Variants in IFTAP observed in about 807,000 individuals in gnomAD.
IFTAP encodes the protein intraflagellar transport-associated protein.
IFTAP carries 19 observed loss-of-function variants against 19.4 expected under a neutral mutation model. That is an observed-to-expected ratio of 0.98 (90% CI 0.68 to 1.44). The LOEUF (loss-of-function observed/expected upper bound fraction) is 1.44. Among genes scored for constraint, IFTAP ranks in the 40% most tolerant of loss-of-function variants. The pLI, the probability that IFTAP is intolerant of heterozygous loss-of-function variation, is 0.00. For synonymous variants in IFTAP, 85 were observed against 83.5 expected, an observed-to-expected ratio of 1.02 and a Z score of -0.10; for missense variants, 240 against 253.6, an observed-to-expected ratio of 0.95 and a Z score of 0.36.
At chr11:36,630,035 G>A (rs573150125) in intron 2 of IFTAP, among the ~76,000 whole-genome samples, 1 of 151,240 alleles carries the variant, frequency 6.6e-6, no homozygotes, top group African/African-American at 2.5e-5. Flanking sequence ...GGGTGGAAGA[G>A]GACCCTGATG....
At chr11:36,646,868 G>T (rs952983691) in intron 4 of IFTAP, among the ~76,000 whole-genome samples, 7 of 152,110 alleles carry the variant, frequency 4.6e-5, no homozygotes, top group Non-Finnish European at 1.0e-4. Flanking sequence ...GCTAATTAAT[G>T]AAATCATAGT....
chr11:36,610,724 G>A lies in IFTAP; in HGVS notation c.136+485G>A, dbSNP rs375809820. Among the ~76,000 whole-genome samples the A allele has an allele frequency of 2.6e-4, 40 of 152,226 alleles. No homozygotes were observed. The South Asian group carries it at 3.3e-3, about 13-fold the overall frequency. On this transcript the variant is annotated intron_variant, in intron 2 of 5. Coordinates refer to ENST00000334307, the MANE Select transcript of IFTAP (RefSeq NM_138787.4). ...GTACTTCTCTCAAAGGTTGAGAAAC[G>A]TTAATTGAGATAATCCATGTGAAAC... is the stretch of plus-strand genomic sequence containing the variant.
chr11:36,643,526 G>T (rs913405845), intron 4 of IFTAP, among the ~76,000 whole-genome samples: 4 of 152,160 alleles, frequency 2.6e-5, no homozygotes, highest in African/African-American at 4.8e-5. Context: ...CCAAAAAAGA[G>T]CCTGCATTGC....
intron 5 of IFTAP, among the ~76,000 whole-genome samples, chr11:36,653,665 G>A (rs528117495): frequency 3.9e-5 from 6 of 152,232 alleles, no homozygotes; most frequent in African/African-American, 7.2e-5. Context: ...TTAGAAGACC[G>A]CAGTGATATC....
At chr11:36,642,381 A>G (rs1853253718) in intron 4 of IFTAP, among the ~76,000 whole-genome samples, 1 of 152,144 alleles carries the variant, frequency 6.6e-6, no homozygotes, top group African/African-American at 2.4e-5. Context: ...TACCAACCAA[A>G]AAAAGCCCAG....
At chr11:36,633,499 CA>C (rs144097691) in intron 3 of IFTAP, 61 bp downstream of exon 3, 247 of 1,281,976 alleles carry the variant, frequency 1.9e-4, no homozygotes, top group East Asian at 1.1e-3. Context: ...CTTCATGAAT[CA>C]AAAAAAAGAG....
chr11:36,650,969 G>T lies in IFTAP; in HGVS notation c.498+2814G>T, dbSNP rs533209441. On this transcript the variant is annotated intron_variant, in intron 5 of 5. Transcript: ENST00000334307. ...CCAGTCTATCATTGATGGACATTTG[G>T]GCTGGTTCCAACAATTTGCTATTGT... Among the ~76,000 whole-genome samples, 212 of 152,202 alleles carry T rather than the reference G, an allele frequency of 1.4e-3. 9 individuals are homozygous for T. In the South Asian group the frequency reaches 0.042, roughly 30 times the overall value.
At chr11:36,634,461 G>A (rs34312910) in intron 3 of IFTAP, among the ~76,000 whole-genome samples, 9,802 of 152,104 alleles carry the variant, frequency 0.064, 354 homozygotes, top group Non-Finnish European at 0.077. Context: ...CCTGACCTCC[G>A]CTATGGCTTA....
chr11:36,654,746 C>CT lies in IFTAP; in HGVS notation c.499-4265dup, dbSNP rs567015956. 2.2e-4 allele frequency among the ~76,000 whole-genome samples: 34 copies of CT among 151,958 alleles called. 1 individual carries two copies. The highest frequency in any genetic ancestry group is 7.7e-4 in the African/African-American group (32 of 41,464). On this transcript the variant is annotated intron_variant, in intron 5 of 5. Coordinates refer to ENST00000334307, the MANE Select transcript of IFTAP (RefSeq NM_138787.4). Reference sequence around the variant, plus strand: ...ACCTGCTTCCCTTTCTGCATTCTTCCTTTTTTTTACATTTCCATATCCAGT... The same window carrying CT: ...ACCTGCTTCCCTTTCTGCATTCTTCCTTTTTTTTTACATTTCCATATCCAGT...
intron 2 of IFTAP, among the ~76,000 whole-genome samples, chr11:36,622,484 G>A (rs974637470): frequency 4.6e-5 from 7 of 151,850 alleles, no homozygotes; most frequent in Non-Finnish European, 7.4e-5. Flanking sequence ...ATTTTGTTAC[G>A]GGCAGGGCCA....
intron 1 of IFTAP, among the ~76,000 whole-genome samples, chr11:36,601,791 C>G (rs1851519125): frequency 6.6e-6 from 1 of 151,984 alleles, no homozygotes; most frequent in Non-Finnish European, 1.5e-5. Context: ...GTAGCTGGGA[C>G]CACAGGTGGA....
chr11:36,622,456 G>A (rs181864459), intron 2 of IFTAP, among the ~76,000 whole-genome samples: 1 of 152,062 alleles, frequency 6.6e-6, no homozygotes, highest in Non-Finnish European at 1.5e-5. Flanking sequence ...AATTTACTAT[G>A]TTGCTTTTAT....
At chr11:36,635,977 G>A in intron 3 of IFTAP, 74 bp from the exon 4 acceptor site, 1 of 945,312 alleles carries the variant, frequency 1.1e-6, no homozygotes, top group Non-Finnish European at 1.7e-6. Flanking sequence ...TGTGGAAGTG[G>A]ATTCGTTGAC....
intron 5 of IFTAP, among the ~76,000 whole-genome samples, chr11:36,652,809 A>G (rs1021631710): frequency 6.6e-6 from 1 of 151,984 alleles, no homozygotes; most frequent in African/African-American, 2.4e-5. Flanking sequence ...TATTGAGATA[A>G]TCATGATTTT....
intron 2 of IFTAP, among the ~76,000 whole-genome samples, chr11:36,613,263 CTAATT>C (rs1851940789): frequency 1.3e-5 from 2 of 151,890 alleles, no homozygotes; most frequent in African/African-American, 4.8e-5. Context: ...GTGAATGTAA[CTAATT>C]TATAGGACTT....
chr11:36,608,704 T>G (rs553659556), intron 1 of IFTAP, among the ~76,000 whole-genome samples: 10 of 152,314 alleles, frequency 6.6e-5, no homozygotes, highest in African/African-American at 2.4e-4. Context: ...GAGCTCTAGC[T>G]GTATAGCATG....
Position 36,634,383 on chromosome 11 carries a change from C to G in IFTAP, c.291+945C>G, listed in dbSNP as rs149258130. On this transcript the variant is annotated intron_variant, in intron 3 of 5. Coordinates refer to ENST00000334307, the MANE Select transcript of IFTAP (RefSeq NM_138787.4). The stretch of plus-strand genomic sequence containing the variant: ...CATGAGAAGACTGAGATTAAGTAGT[C>G]TATTATAGGTTACACTGTGGATGAG... Among the ~76,000 whole-genome samples the G allele has an allele frequency of 7.9e-5, 12 of 152,090 alleles. No individual in the cohort carries two copies. In the East Asian group the frequency reaches 2.1e-3, roughly 27 times the overall value.
chr11:36,613,817 A>G (rs1851960182), intron 2 of IFTAP, among the ~76,000 whole-genome samples: 1 of 151,960 alleles, frequency 6.6e-6, no homozygotes, highest in Admixed American at 6.6e-5. Flanking sequence ...TAGTACTGAT[A>G]TATCTCTATC....
At chr11:36,621,279 CAA>C (rs1590211613) in intron 2 of IFTAP, among the ~76,000 whole-genome samples, 1 of 151,860 alleles carries the variant, frequency 6.6e-6, no homozygotes, top group East Asian at 1.9e-4. Flanking sequence ...AGCCGTGAAA[CAA>C]TAATATTTTC....
Sources: allele counts gnomAD v4.1 joint callset (sites outside exome capture counted in the v4.1 genomes callset), GRCh38; gene constraint gnomAD v4.1.1; transcripts MANE v1.5; gene names NCBI Gene and HGNC (gene_info 2026-07-23, HGNC 2026-07-21).